Variants in CHN2 observed in about 807,000 individuals in gnomAD.
CHN2 encodes the protein chimerin 2.
CHN2 carries 35 observed loss-of-function variants against 56.3 expected under a neutral mutation model. The ratio of observed to expected loss-of-function variants is 0.62; its 90% CI spans 0.47 to 0.82. The LOEUF is 0.82. Among genes scored for constraint, CHN2 ranks in the 40% least tolerant of loss-of-function variants. The pLI, the probability that CHN2 is intolerant of heterozygous loss-of-function variation, is 0.00. For missense variants in CHN2, 491 were observed against 580.5 expected (o/e 0.85, Z 1.58); for synonymous variants, 210 against 212.8 (o/e 0.99, Z 0.12).
chr7:29,379,594 TGTATATGGGTG>T (rs1250655424), intron 3 of CHN2, among the ~76,000 whole-genome samples: 2 of 152,204 alleles, frequency 1.3e-5, no homozygotes, highest in Non-Finnish European at 2.9e-5. Context: ...CTAGATGATG[TGTATATGGGTG>T]TTTACTGTAA....
rs377577394 is a variant in CHN2, at chr7:29,362,811, C to T, written c.89-5121C>T. Among the ~76,000 whole-genome samples, 11 of 152,330 alleles carry T rather than the reference C, an allele frequency of 7.2e-5. No individual in the cohort carries two copies. In the East Asian group the frequency reaches 1.3e-3, roughly 19 times the overall value. ...TTCCTCCTCTTCCCCTATTAAAGTA[C>T]TTGGCCCACCTTGGTTTTGTGTCTC... is the stretch of plus-strand genomic sequence containing the variant. On this transcript the variant is annotated intron_variant, in intron 2 of 12. Coordinates refer to ENST00000222792, the MANE Select transcript of CHN2 (RefSeq NM_004067.4).
chr7:29,229,094 C>T (rs1193318959), intron 1 of CHN2, among the ~76,000 whole-genome samples: 6 of 152,178 alleles, frequency 3.9e-5, no homozygotes, highest in Non-Finnish European at 8.8e-5. Flanking sequence ...CAGCTCCTCC[C>T]CGCTGTTGAC....
intron 1 of CHN2, among the ~76,000 whole-genome samples, chr7:29,214,374 C>T (rs36089158): frequency 0.13 from 20,133 of 152,150 alleles, 1,700 homozygotes; most frequent in Non-Finnish European, 0.19. Flanking sequence ...GCCCGTCATT[C>T]CCTTTTATCC....
chr7:29,412,685 C>T (rs562584633), intron 6 of CHN2, among the ~76,000 whole-genome samples: 26 of 152,164 alleles, frequency 1.7e-4, no homozygotes, highest in East Asian at 5.8e-4. Flanking sequence ...GTGATATTTC[C>T]GGGAAACTTT....
intron 2 of CHN2, among the ~76,000 whole-genome samples, chr7:29,185,851 A>C (rs138460983): frequency 6.6e-6 from 1 of 152,170 alleles, no homozygotes; most frequent in Non-Finnish European, 1.5e-5. Context: ...AGCAAGACCA[A>C]TATGTAGATA....
At chr7:29,223,756 C>T (rs947470569) in intron 1 of CHN2, among the ~76,000 whole-genome samples, 6 of 152,090 alleles carry the variant, frequency 3.9e-5, no homozygotes, top group African/African-American at 1.2e-4. Context: ...CACATATGCA[C>T]AGATTTCTGT....
chr7:29,477,762 C>G (rs541785334), intron 6 of CHN2, among the ~76,000 whole-genome samples: 1 of 152,342 alleles, frequency 6.6e-6, no homozygotes, highest in East Asian at 1.9e-4. Context: ...CTGGAGGGAA[C>G]CTTGTCTTTG....
intron 2 of CHN2, among the ~76,000 whole-genome samples, chr7:29,161,813 T>A (rs1795213000): frequency 6.6e-6 from 1 of 151,262 alleles, no homozygotes; most frequent in African/African-American, 2.4e-5. Flanking sequence ...ATATAAAGAG[T>A]TCTCTAAAGT....
chr7:29,319,003 T>C (rs1048518297), intron 1 of CHN2, among the ~76,000 whole-genome samples: 2 of 152,332 alleles, frequency 1.3e-5, no homozygotes, highest in African/African-American at 4.8e-5. Context: ...CAAGCTGACT[T>C]GTTCTCCACT....
At chr7:29,400,420 T>C (rs1802108462) in intron 5 of CHN2, 123 bp from the exon 6 acceptor site, 3 of 942,760 alleles carry the variant, frequency 3.2e-6, no homozygotes, top group Middle Eastern at 2.7e-4. Flanking sequence ...AAAAATCACA[T>C]CAAGTGCTTA....
intron 1 of CHN2, among the ~76,000 whole-genome samples, chr7:29,270,291 C>T (rs973048608): frequency 6.6e-6 from 1 of 152,102 alleles, no homozygotes; most frequent in African/African-American, 2.4e-5. Flanking sequence ...TAGAAAAGCT[C>T]ATGCACTTCC....
At chr7:29,419,931 G>T (rs527475243) in intron 6 of CHN2, among the ~76,000 whole-genome samples, 2 of 151,968 alleles carry the variant, frequency 1.3e-5, no homozygotes, top group African/African-American at 4.8e-5. Flanking sequence ...ATGGTGGCAC[G>T]CACCTGTAAT....
intron 1 of CHN2, among the ~76,000 whole-genome samples, chr7:29,328,145 CG>C (rs1256391484): frequency 6.6e-6 from 1 of 152,158 alleles, no homozygotes; most frequent in Non-Finnish European, 1.5e-5. Flanking sequence ...CATTTCTGCT[CG>C]GCCTTGTAAC....
At chr7:29,373,753 T>C (rs997936580) in intron 3 of CHN2, among the ~76,000 whole-genome samples, 6 of 152,188 alleles carry the variant, frequency 3.9e-5, no homozygotes, top group Admixed American at 1.3e-4. Flanking sequence ...CTCGAGGACA[T>C]TTATCTTGTC....
chr7:29,261,994 T>A (rs1192973093), intron 1 of CHN2, among the ~76,000 whole-genome samples: 1 of 151,982 alleles, frequency 6.6e-6, no homozygotes, highest in East Asian at 1.9e-4. Flanking sequence ...ATGGTGAAAC[T>A]TCATCTCTAC....
intron 2 of CHN2, among the ~76,000 whole-genome samples, chr7:29,149,434 T>C (rs1203256088): frequency 2.0e-5 from 3 of 152,050 alleles, no homozygotes; most frequent in Non-Finnish European, 2.9e-5. Flanking sequence ...CCGCAAGTTA[T>C]CCACCTGCCT....
At chr7:29,230,108 T>A (rs1443321657) in intron 1 of CHN2, among the ~76,000 whole-genome samples, 2 of 152,238 alleles carry the variant, frequency 1.3e-5, no homozygotes, top group African/African-American at 4.8e-5. Context: ...CTGTGTGGCC[T>A]GGAAAGTGTA....
At chr7:29,256,284 T>C (rs1212228683) in intron 1 of CHN2, among the ~76,000 whole-genome samples, 1 of 152,230 alleles carries the variant, frequency 6.6e-6, no homozygotes, top group Non-Finnish European at 1.5e-5. Context: ...TCAGAATCAC[T>C]GAATCATGTG....
intron 2 of CHN2, among the ~76,000 whole-genome samples, chr7:29,165,268 A>G (rs1469934798): frequency 6.6e-6 from 1 of 152,184 alleles, no homozygotes; most frequent in Admixed American, 6.5e-5. Context: ...CTTCAAACCA[A>G]TACTTAAGTT....
Sources: allele counts gnomAD v4.1 joint callset (sites outside exome capture counted in the v4.1 genomes callset), GRCh38; gene constraint gnomAD v4.1.1; transcripts MANE v1.5; gene names NCBI Gene and HGNC (gene_info 2026-07-23, HGNC 2026-07-21).